The following COL18A1 variants were observed in gnomAD, a reference collection of about 807,000 sequenced individuals.
COL18A1 encodes collagen alpha-1(XVIII) chain.
COL18A1 carries 133 observed loss-of-function variants against 168.0 expected under a neutral mutation model. The ratio of observed to expected loss-of-function variants is 0.79; its 90% CI spans 0.69 to 0.91. COL18A1 has a LOEUF of 0.91. Ranked by LOEUF, COL18A1 falls within the 40% of genes least tolerant of loss-of-function variation. The pLI is 0.00. For synonymous variants in COL18A1, 949 were observed against 809.0 expected, an observed-to-expected ratio of 1.17 and a Z score of -2.94; for missense variants, 2,126 against 1,925.4, an observed-to-expected ratio of 1.10 and a Z score of -1.95.
intron 2 of COL18A1, among the ~76,000 whole-genome samples, chr21:45,421,783 A>G (rs1363628981): frequency 1.3e-5 from 2 of 151,970 alleles, no homozygotes; most frequent in Non-Finnish European, 2.9e-5. Flanking sequence ...AGTGGAGAGA[A>G]CCTTTGAACA....
At chr21:45,474,304 GTC>G (rs1356568904) in intron 4 of COL18A1, among the ~76,000 whole-genome samples, 1 of 151,358 alleles carries the variant, frequency 6.6e-6, no homozygotes, top group African/African-American at 2.4e-5. Flanking sequence ...TGTGTGGTGT[GTC>G]TCTGTGGTGT....
chr21:45,496,118 AG>A (rs1332466096), intron 29 of COL18A1: 13 of 329,016 alleles, frequency 4.0e-5, no homozygotes, highest in African/African-American at 1.9e-4. Flanking sequence ...ATGCCCTCCA[AG>A]CCCTCCATGC....
intron 33 of COL18A1, 104 bp from the exon 34 acceptor site, chr21:45,504,312 C>A: frequency 8.4e-7 from 1 of 1,192,252 alleles, no homozygotes; most frequent in Non-Finnish European, 1.2e-6. Flanking sequence ...CAGGCCTGGG[C>A]TCCGGAAGCT....
In COL18A1 at chr21:45,427,823, G is replaced by C. The variant is rs756071022; in HGVS notation, c.106+22350G>C. Among the ~76,000 whole-genome samples, 19 of 152,248 alleles carry C rather than the reference G, an allele frequency of 1.2e-4. 1 individual carries two copies. Among genetic ancestry groups the C allele is most frequent in the South Asian group, 4.1e-4 (2 of 4,836 alleles). ...CTGCAGGACTGAGAACCAGCGGAAG[G>C]GGGGCGAGGCCTCGGGAATGCGCCG... On this transcript the variant is annotated intron_variant, in intron 2 of 41. Transcript: ENST00000651438.
intron 17 of COL18A1, 102 bp downstream of exon 17, chr21:45,487,611 A>G: frequency 6.7e-7 from 1 of 1,484,294 alleles, no homozygotes; most frequent in Non-Finnish European, 9.3e-7. Context: ...TGGGATCGGA[A>G]GCCGCCCTGC....
Position 45,437,236 on chromosome 21 carries a change from ACT to A in COL18A1, c.107-31002_107-31001del, listed in dbSNP as rs2034145432. 5.4e-5 allele frequency among the ~76,000 whole-genome samples: 6 copies of A among 111,380 alleles called. 1 individual carries two copies. Among genetic ancestry groups the A allele is most frequent in the African/African-American group, 2.2e-4 (5 of 23,242 alleles). The allele number at this position is 111,380 out of a possible 152,430, so 73.1% of individuals were successfully genotyped here. On this transcript the variant is annotated intron_variant, in intron 2 of 41. Coordinates refer to ENST00000651438, the MANE Select transcript of COL18A1 (RefSeq NM_001379500.1). ...CACACACACACACAGACACACAGGC[ACT>A]CTCCTGTACACACACACACTCACAC... is the stretch of plus-strand genomic sequence containing the variant.
chr21:45,455,280 C>T lies in COL18A1; in HGVS notation c.107-12962C>T, dbSNP rs34336421. Among the ~76,000 whole-genome samples, 8,703 of 152,344 alleles carry T rather than the reference C, an allele frequency of 0.057. 345 individuals are homozygous for T. Among genetic ancestry groups the T allele is most frequent in the Non-Finnish European group, 0.087 (5,929 of 68,020 alleles). On this transcript the variant is annotated intron_variant, in intron 2 of 41. Coordinates refer to ENST00000651438, the MANE Select transcript of COL18A1 (RefSeq NM_001379500.1). ...CTGCACACAGCACCCTCTGTCCTCA[C>T]GGAGCCTGGGGCTGCTGCAGGGCCG...
chr21:45,442,763 TGCTGGTGTGGGC>T (rs1209560109), intron 2 of COL18A1, among the ~76,000 whole-genome samples: 1 of 99,814 alleles, frequency 1.0e-5, no homozygotes, highest in African/African-American at 5.3e-5. Flanking sequence ...TGGGCAGCGG[TGCTGGTGTGGGC>T]GGCGGTCCTG....
At chr21:45,428,706 G>A (rs547239746) in intron 2 of COL18A1, among the ~76,000 whole-genome samples, 5 of 152,166 alleles carry the variant, frequency 3.3e-5, no homozygotes, top group South Asian at 2.1e-4. Flanking sequence ...GGTGGTTCCC[G>A]CAGTGCGAGG....
At chr21:45,406,369 G>A (rs1011985534) in intron 2 of COL18A1, among the ~76,000 whole-genome samples, 2 of 152,254 alleles carry the variant, frequency 1.3e-5, no homozygotes, top group African/African-American at 4.8e-5. Context: ...AAGGGGGAGG[G>A]AGGGATGTCG....
intron 11 of COL18A1, 119 bp from the exon 12 acceptor site, chr21:45,480,348 G>A (rs944807545): frequency 1.0e-5 from 16 of 1,576,750 alleles, no homozygotes; most frequent in East Asian, 4.6e-5. Flanking sequence ...CAGAGGGGCC[G>A]TGGTTTCTCA....
chr21:45,456,210 C>T (rs1367901419), intron 2 of COL18A1: 3 of 1,606,502 alleles, frequency 1.9e-6, no homozygotes, highest in East Asian at 4.5e-5. Flanking sequence ...CTGGGCGGGG[C>T]CCCTCCCTGG....
rs79543966 is a variant in COL18A1 at position 45,491,636 on chromosome 21, A to C, written c.2157+322A>C. Among the ~76,000 whole-genome samples, 1,095 of 152,266 alleles carry C rather than the reference A, an allele frequency of 7.2e-3. 6 individuals carry two copies. Among genetic ancestry groups the C allele is most frequent in the Non-Finnish European group, 0.011 (775 of 67,998 alleles). On this transcript the variant is annotated intron_variant, in intron 22 of 41. Transcript: ENST00000651438. ...GCCCCAAAGCTGCATGTAGTCACCC[A>C]GCTGCCCCGTCAGAAGAAGCAGATG...
In COL18A1 at chr21:45,491,241, A is replaced by C; in HGVS notation, c.2084A>C (p.Asp695Ala). The C allele has an allele frequency of 1.2e-6, 2 of 1,612,006 alleles. No individual in the cohort carries two copies. The highest frequency in any genetic ancestry group is 1.7e-6 in the Non-Finnish European group (2 of 1,179,490). Residue 695 changes from aspartate (D) to alanine (A), a missense_variant, in exon 22 of 42, where the codon GAC becomes GCC. Coordinates refer to ENST00000651438, the MANE Select transcript of COL18A1 (RefSeq NM_001379500.1). ...SRGEKGDPGK[D>A]GVGQPGLPGP... ...CTCTTCCAGGGAGATCCAGGGAAGGACGGAGTCGGGCAGCCGGGCCTCCCT... is the reference window on the plus strand; with the variant it reads ...CTCTTCCAGGGAGATCCAGGGAAGGCCGGAGTCGGGCAGCCGGGCCTCCCT...
At chr21:45,464,935 C>T (rs1484112812) in intron 2 of COL18A1, among the ~76,000 whole-genome samples, 1 of 152,176 alleles carries the variant, frequency 6.6e-6, no homozygotes, top group Non-Finnish European at 1.5e-5. Flanking sequence ...ATGGCTCTGC[C>T]CACCACAGTT....
In COL18A1 at chr21:45,437,334, TCAGA is replaced by T. The variant is rs1280169248; in HGVS notation, c.107-30905_107-30902del. On this transcript the variant is annotated intron_variant, in intron 2 of 41. Transcript: ENST00000651438. The stretch of plus-strand genomic sequence containing the variant: ...GGCACTCTCCTGCACACACACACAC[TCAGA>T]CACACAGGCACTCTCCTGCGCACAC... Among the ~76,000 whole-genome samples, 145 of 20,396 alleles carry T rather than the reference TCAGA, an allele frequency of 7.1e-3. 9 individuals carry two copies. Among genetic ancestry groups the T allele is most frequent in the African/African-American group, 0.032 (123 of 3,852 alleles). The allele number at this position is 20,396 out of a possible 152,430, so 13.4% of individuals were successfully genotyped here.
intron 2 of COL18A1, among the ~76,000 whole-genome samples, chr21:45,442,132 T>C (rs2034386706): frequency 6.6e-6 from 1 of 152,172 alleles, no homozygotes; most frequent in Admixed American, 6.5e-5. Context: ...CTTGAGTGGG[T>C]GGCGCTGCCC....
chr21:45,488,434 C>T lies in COL18A1; in HGVS notation c.1913C>T (p.Pro638Leu), dbSNP rs746540372. The T allele has an allele frequency of 4.3e-5, 70 of 1,613,742 alleles. No individual in the cohort carries two copies. The highest frequency in any genetic ancestry group is 1.6e-4 in the Middle Eastern group (1 of 6,084). The stretch of plus-strand genomic sequence containing the variant: ...CCCTGACAGGGACCTCCCGGCCTGC[C>T]GGGACTTAAGGTCAGTGACGGATAT... ...ADGPQGPPGL[P>L]GLKGDPGVPG... is the part of the protein sequence containing the mutation. The change falls in exon 18 of 42, where the codon CCG (proline) becomes CTG (leucine). Residue 638 changes from proline (P) to leucine (L), a missense_variant. Coordinates refer to ENST00000651438, the MANE Select transcript of COL18A1 (RefSeq NM_001379500.1).
At chr21:45,483,054 G>A (rs921995118) in intron 15 of COL18A1, among the ~76,000 whole-genome samples, 7 of 152,234 alleles carry the variant, frequency 4.6e-5, no homozygotes, top group Admixed American at 1.3e-4. Flanking sequence ...GGCTTCCGCC[G>A]AGCTCTGGTC....
Sources: allele counts gnomAD v4.1 joint callset (sites outside exome capture counted in the v4.1 genomes callset), GRCh38; gene constraint gnomAD v4.1.1; transcripts MANE v1.5; gene names NCBI Gene and HGNC (gene_info 2026-07-23, HGNC 2026-07-21).